The following FRMD4A variants were observed in gnomAD, a reference collection of about 807,000 sequenced individuals.
The protein encoded by FRMD4A is FERM domain-containing protein 4A.
In FRMD4A, 29 loss-of-function variants were observed where a neutral mutation model predicts 129.1. That is an observed-to-expected ratio of 0.22 (90% confidence interval 0.17 to 0.31). FRMD4A has a LOEUF of 0.31. FRMD4A is among the 10% of genes least tolerant of loss of function. The probability of loss-of-function intolerance (pLI) is 1.00; values close to 1 mark genes in which losing one functional copy is unlikely to be tolerated. For synonymous variants in FRMD4A, 634 were observed against 571.6 expected, an observed-to-expected ratio of 1.11 and a Z score of -1.56; for missense variants, 1,272 against 1,375.8, an observed-to-expected ratio of 0.92 and a Z score of 1.19.
At chr10:14,016,413 T>C (rs1015327297) in intron 2 of FRMD4A, among the ~76,000 whole-genome samples, 2 of 152,254 alleles carry the variant, frequency 1.3e-5, no homozygotes, top group Admixed American at 1.3e-4. Flanking sequence ...CCAGTCTCAA[T>C]TCTGCACACG....
intron 2 of FRMD4A, among the ~76,000 whole-genome samples, chr10:13,999,329 C>T (rs1177597857): frequency 6.6e-6 from 1 of 152,124 alleles, no homozygotes; most frequent in Non-Finnish European, 1.5e-5. Context: ...AGAACACTGT[C>T]TGGCATGTAG....
intron 3 of FRMD4A, among the ~76,000 whole-genome samples, chr10:13,848,811 G>A (rs149516876): frequency 5.8e-4 from 89 of 152,242 alleles, no homozygotes; most frequent in Middle Eastern, 3.4e-3. Flanking sequence ...AAGATGGATC[G>A]TGTCTCCTCC....
intron 2 of FRMD4A, among the ~76,000 whole-genome samples, chr10:13,926,096 G>A (rs577031971): frequency 1.1e-3 from 161 of 152,202 alleles, no homozygotes; most frequent in Non-Finnish European, 1.9e-3. Context: ...AACCACAGAC[G>A]AGGGGAATAT....
Position 14,091,140 on chromosome 10 carries a change from T to G in FRMD4A, c.46-232228A>C, listed in dbSNP as rs1193523327. On this transcript the variant is annotated intron_variant, in intron 2 of 24. Coordinates refer to ENST00000357447, the MANE Select transcript of FRMD4A (RefSeq NM_018027.5). ...AAGAATGTTCAGATTCCTAAAAATC[T>G]TCTTAAAAGAGAACTCCTAGCTTTC... Among the ~76,000 whole-genome samples, 7 of 152,320 alleles carry G rather than the reference T, an allele frequency of 4.6e-5. 1 individual carries two copies.
intron 2 of FRMD4A, among the ~76,000 whole-genome samples, chr10:14,287,882 T>C (rs1845731380): frequency 6.6e-6 from 1 of 152,166 alleles, no homozygotes; most frequent in African/African-American, 2.4e-5. Flanking sequence ...GTTAAAACCA[T>C]AATTCTTTAA....
At position 14,127,982 on chromosome 10, in the gene FRMD4A, C is replaced by CTTTCTT. The variant is rs1400824488; in HGVS notation, c.45+202075_45+202076insAAGAAA. 2.3e-4 allele frequency among the ~76,000 whole-genome samples: 19 copies of CTTTCTT among 81,258 alleles called. 3 individuals are homozygous for CTTTCTT. Among genetic ancestry groups the CTTTCTT allele is most frequent in the East Asian group, 8.8e-4 (3 of 3,396 alleles). 53.3% of individuals were successfully genotyped at this position (81,258 alleles called of 152,430 possible). On this transcript the variant is annotated intron_variant, in intron 2 of 24. Coordinates refer to ENST00000357447, the MANE Select transcript of FRMD4A (RefSeq NM_018027.5). Reference sequence around the variant, plus strand: ...TCTTTCTTTCTTTCTTTCTTTCCTTCTCTCTCTCTCTCTCTCTCTTTCTTT... The same window carrying CTTTCTT: ...TCTTTCTTTCTTTCTTTCTTTCCTTCTTTCTTTCTCTCTCTCTCTCTCTCTTTCTTT...
At chr10:13,991,718 C>T (rs1324008622) in intron 2 of FRMD4A, 1 of 152,598 alleles carries the variant, frequency 6.6e-6, no homozygotes, top group Non-Finnish European at 1.5e-5. Context: ...TTTTTACTCT[C>T]AATGGGCTAC....
chr10:13,991,585 A>G (rs1011823734), intron 2 of FRMD4A, among the ~76,000 whole-genome samples: 2 of 152,224 alleles, frequency 1.3e-5, no homozygotes, highest in African/African-American at 4.8e-5. Context: ...CTTCTGGGAA[A>G]AAAGAACCAC....
At chr10:14,328,577 T>C (rs1211643169) in intron 2 of FRMD4A, among the ~76,000 whole-genome samples, 1 of 150,980 alleles carries the variant, frequency 6.6e-6, no homozygotes, top group African/African-American at 2.4e-5. Context: ...ATTAACACGA[T>C]GCAGGATTTA....
chr10:14,011,088 A>G (rs2095680599), intron 2 of FRMD4A, among the ~76,000 whole-genome samples: 3 of 152,166 alleles, frequency 2.0e-5, no homozygotes, highest in Non-Finnish European at 4.4e-5. Context: ...GCTAGGATGA[A>G]AACCAAAGTC....
At chr10:14,266,225 G>A (rs778190078) in intron 2 of FRMD4A, among the ~76,000 whole-genome samples, 3 of 151,964 alleles carry the variant, frequency 2.0e-5, no homozygotes, top group Non-Finnish European at 4.4e-5. Flanking sequence ...CATCTCTACC[G>A]ACTAAAAGCC....
At chr10:13,790,137 G>A (rs1266711313) in intron 5 of FRMD4A, among the ~76,000 whole-genome samples, 2 of 151,058 alleles carry the variant, frequency 1.3e-5, no homozygotes, top group South Asian at 2.1e-4. Context: ...GTGACTGAGG[G>A]AACAGGAGGA....
At position 14,012,961 on chromosome 10, in the gene FRMD4A, G is replaced by T. The variant is rs184351126; in HGVS notation, c.46-154049C>A. Among the ~76,000 whole-genome samples the T allele has an allele frequency of 3.9e-3, 588 of 152,250 alleles. 8 individuals are homozygous for T. Among genetic ancestry groups the T allele is most frequent in the African/African-American group, 0.014 (567 of 41,546 alleles). ...AAAGGACAGGCCACAGGACAGACAGGTTTCAGCTGGGGACGTGACTGAGGT... is the reference window on the plus strand; with the variant it reads ...AAAGGACAGGCCACAGGACAGACAGTTTTCAGCTGGGGACGTGACTGAGGT... On this transcript the variant is annotated intron_variant, in intron 2 of 24. Transcript: ENST00000357447.
intron 2 of FRMD4A, among the ~76,000 whole-genome samples, chr10:13,975,900 T>C (rs1191619251): frequency 6.6e-6 from 1 of 152,176 alleles, no homozygotes; most frequent in Non-Finnish European, 1.5e-5. Flanking sequence ...CCTGGACCGG[T>C]CTAACTCCCA....
chr10:13,740,451 CA>C, intron 10 of FRMD4A, 60 bp downstream of exon 10: 1 of 1,007,996 alleles, frequency 9.9e-7, no homozygotes, highest in Non-Finnish European at 1.6e-6. Context: ...ACAATCCTGA[CA>C]TACGATATAT....
chr10:13,963,330 C>T (rs2095459379), intron 2 of FRMD4A, among the ~76,000 whole-genome samples: 1 of 149,110 alleles, frequency 6.7e-6, no homozygotes, highest in Non-Finnish European at 1.5e-5. Flanking sequence ...AAAGGCCAAG[C>T]CCACACCATA....
chr10:13,748,172 A>G (rs891595592), intron 8 of FRMD4A, among the ~76,000 whole-genome samples: 1 of 152,114 alleles, frequency 6.6e-6, no homozygotes, highest in Non-Finnish European at 1.5e-5. Context: ...GGGGTCCCCC[A>G]GGGCAGGATC....
At chr10:14,166,320 C>A (rs1205193563) in intron 2 of FRMD4A, among the ~76,000 whole-genome samples, 5 of 151,712 alleles carry the variant, frequency 3.3e-5, no homozygotes, top group Non-Finnish European at 5.9e-5. Flanking sequence ...TGTGTCATTA[C>A]TTCAAATATT....
At chr10:14,186,149 G>GA (rs11460017) in intron 2 of FRMD4A, among the ~76,000 whole-genome samples, 10,113 of 122,794 alleles carry the variant, frequency 0.082, 715 homozygotes, top group African/African-American at 0.19. Flanking sequence ...AAAAGAAAAA[G>GA]AAAAAAAAAA....
Sources: gnomAD v4.1 joint callset for allele counts (sites outside exome capture counted in the v4.1 genomes callset) on GRCh38, gnomAD v4.1.1 for gene constraint, MANE v1.5 for transcripts, NCBI Gene and HGNC (gene_info 2026-07-23, HGNC 2026-07-21) for gene names.